FOXO1: variants seen among roughly 807,000 people sequenced by gnomAD.
The protein encoded by FOXO1 is forkhead box O1.
Under a neutral mutation model 44.1 loss-of-function variants are expected in FOXO1, and 6 were observed. The ratio of observed to expected loss-of-function variants is 0.14; its 90% CI spans 0.07 to 0.27. FOXO1 has a LOEUF of 0.27. Among genes scored for constraint, FOXO1 ranks in the 10% least tolerant of loss-of-function variants. The pLI is 1.00. For synonymous variants in FOXO1, 380 were observed against 362.7 expected, an observed-to-expected ratio of 1.05 and a Z score of -0.54; for missense variants, 737 against 888.8, an observed-to-expected ratio of 0.83 and a Z score of 2.17.
chr13:40,615,488 C>G (rs996775329), intron 1 of FOXO1, among the ~76,000 whole-genome samples: 4 of 152,010 alleles, frequency 2.6e-5, no homozygotes, highest in African/African-American at 9.7e-5. Context: ...GCCAAGATCG[C>G]ACCACTGCAC....
chr13:40,562,192 C>T (rs1208885019), intron 1 of FOXO1, among the ~76,000 whole-genome samples: 1 of 152,128 alleles, frequency 6.6e-6, no homozygotes, highest in African/African-American at 2.4e-5. Context: ...GCAGGATGCA[C>T]CAACTAACTC....
intron 1 of FOXO1, among the ~76,000 whole-genome samples, chr13:40,564,760 C>T (rs561685950): frequency 1.3e-5 from 2 of 152,278 alleles, no homozygotes; most frequent in East Asian, 1.9e-4. Context: ...CCAAATCCAG[C>T]GTTTCTACAT....
chr13:40,597,611 C>A (rs928590692), intron 1 of FOXO1, among the ~76,000 whole-genome samples: 4 of 152,198 alleles, frequency 2.6e-5, no homozygotes, highest in African/African-American at 2.4e-5. Flanking sequence ...CTAAACCCTA[C>A]ATCTTCCCCC....
intron 1 of FOXO1, among the ~76,000 whole-genome samples, chr13:40,594,546 TGCCACAG>T (rs1205274180): frequency 2.4e-4 from 36 of 152,188 alleles, no homozygotes; most frequent in Admixed American, 1.9e-3. Context: ...ACGTTCAACC[TGCCACAG>T]TGGGGAGCAC....
In FOXO1 at chr13:40,560,549, G is replaced by T. The variant is rs139854338; in HGVS notation, c.942C>A (p.Arg314=). 1 of 1,614,162 alleles carries T rather than the reference G, an allele frequency of 6.2e-7. No individual in the cohort carries two copies. Among genetic ancestry groups the T allele is most frequent in the Non-Finnish European group, 8.5e-7 (1 of 1,180,022 alleles). ...TACTAGCATTTGAGCTAGTTCGAGG[G>T]CGAAATGTACTCCAGTTATCAAAGT... ...NDDFDNWSTF[R]PRTSSNASTI... Residue 314 remains arginine (R), a synonymous_variant, in exon 2 of 3, where the codon CGC becomes CGA. Transcript: ENST00000379561. The surrounding 1 kb of genome is among the most constrained non-coding windows in gnomAD (Gnocchi z 5.1).
chr13:40,617,028 G>A (rs1036122755), intron 1 of FOXO1, among the ~76,000 whole-genome samples: 3 of 152,172 alleles, frequency 2.0e-5, no homozygotes, highest in African/African-American at 2.4e-5. Flanking sequence ...CAAGTCACTC[G>A]AAATAGAAAT....
In FOXO1 at chr13:40,619,393, A is replaced by C. The variant is rs1876533618; in HGVS notation, c.630+46190T>G. ...ATATTCTCTTCTAGCATAGTTGAACACCTTTCGGGGCACAGGAAATGCAAC... is the reference window on the plus strand; with the variant it reads ...ATATTCTCTTCTAGCATAGTTGAACCCCTTTCGGGGCACAGGAAATGCAAC... On this transcript the variant is annotated intron_variant, in intron 1 of 2. Coordinates refer to ENST00000379561, the MANE Select transcript of FOXO1 (RefSeq NM_002015.4). 1.5e-5 allele frequency: 11 copies of C among 750,046 alleles called. No homozygotes were observed. The Admixed American group carries it at 2.1e-4, about 14-fold the overall frequency. The allele number at this position is 750,046 out of a possible 1,614,324, so 46.5% of individuals were successfully genotyped here. A position where few individuals can be genotyped will look rare whatever the true frequency, so the allele number is the denominator to read the frequency against.
At chr13:40,625,694 G>T (rs1206168201) in intron 1 of FOXO1, among the ~76,000 whole-genome samples, 1 of 151,802 alleles carries the variant, frequency 6.6e-6, no homozygotes, top group Non-Finnish European at 1.5e-5. Context: ...CCACAGGGTG[G>T]GAATGTGATT....
rs144614149 is a variant in FOXO1 at position 40,630,417 on chromosome 13, G to A, written c.630+35166C>T. 4.9e-3 allele frequency among the ~76,000 whole-genome samples: 747 copies of A among 152,254 alleles called. 9 individuals carry two copies. Among genetic ancestry groups the A allele is most frequent in the African/African-American group, 0.017 (700 of 41,544 alleles). The stretch of plus-strand genomic sequence containing the variant: ...CGCCTGTAATCCTAGCATGCTGGGA[G>A]GCCAAGGTGGCAGATTACCTGAGGT... On this transcript the variant is annotated intron_variant, in intron 1 of 2. Transcript: ENST00000379561.
At chr13:40,662,170 C>CA (rs57350461) in intron 1 of FOXO1, among the ~76,000 whole-genome samples, 577 of 56,628 alleles carry the variant, frequency 0.01, 24 homozygotes, top group Non-Finnish European at 0.014. Context: ...GACTCTGACT[C>CA]AAAAAAAAAA....
At chr13:40,628,045 A>G (rs112227443) in intron 1 of FOXO1, among the ~76,000 whole-genome samples, 114 of 152,288 alleles carry the variant, frequency 7.5e-4, no homozygotes, top group African/African-American at 2.6e-3. Flanking sequence ...AGACATATAC[A>G]CATGTATACA....
At chr13:40,662,121 A>C (rs1014366401) in intron 1 of FOXO1, among the ~76,000 whole-genome samples, 3 of 138,984 alleles carry the variant, frequency 2.2e-5, no homozygotes, top group African/African-American at 8.0e-5. Flanking sequence ...CAGCAAGCCG[A>C]GATTGCGCCA....
rs979152464 is a variant in FOXO1, at chr13:40,632,514, C to T, written c.630+33069G>A. Among the ~76,000 whole-genome samples, 48 of 151,928 alleles carry T rather than the reference C, an allele frequency of 3.2e-4. 1 individual carries two copies. The highest frequency in any genetic ancestry group is 1.1e-3 in the African/African-American group (46 of 41,406). On this transcript the variant is annotated intron_variant, in intron 1 of 2. Transcript: ENST00000379561. ...TTAGCCAGGGGTGGTGGTGGGCACC[C>T]GTAATCCTAGCTACTTGGGAGGCTG...
chr13:40,598,950 G>A (rs1875702073), intron 1 of FOXO1, among the ~76,000 whole-genome samples: 1 of 152,098 alleles, frequency 6.6e-6, no homozygotes. Flanking sequence ...TGCTTCTCTG[G>A]TAACTAGATG....
intron 1 of FOXO1, among the ~76,000 whole-genome samples, chr13:40,649,398 G>GC (rs762575548): frequency 6.6e-6 from 1 of 152,126 alleles, no homozygotes; most frequent in Non-Finnish European, 1.5e-5. Context: ...TTAATTGGAG[G>GC]CCCCCAAGTT....
chr13:40,620,799 C>CTTTTTTTTTTT lies in FOXO1; in HGVS notation c.630+44773_630+44783dup, dbSNP rs111991105. Among the ~76,000 whole-genome samples, 189 of 121,216 alleles carry CTTTTTTTTTTT rather than the reference C, an allele frequency of 1.6e-3. 6 individuals carry two copies. Among genetic ancestry groups the CTTTTTTTTTTT allele is most frequent in the Non-Finnish European group, 2.6e-3 (158 of 60,132 alleles). The allele number at this position is 121,216 out of a possible 152,430, so 79.5% of individuals were successfully genotyped here. ...TGGAAAACTACTATTCTTCCCCTTG[C>CTTTTTTTTTTT]TTTTTTTTTTTTTTTTTGAGATGGA... On this transcript the variant is annotated intron_variant, in intron 1 of 2. Coordinates refer to ENST00000379561, the MANE Select transcript of FOXO1 (RefSeq NM_002015.4).
chr13:40,646,105 T>G (rs1877500505), intron 1 of FOXO1, among the ~76,000 whole-genome samples: 1 of 150,374 alleles, frequency 6.7e-6, no homozygotes, highest in South Asian at 2.1e-4. Flanking sequence ...CTCCATTTAG[T>G]GAATAATTGA....
intron 1 of FOXO1, among the ~76,000 whole-genome samples, chr13:40,601,595 G>A (rs1875816337): frequency 6.6e-6 from 1 of 152,152 alleles, no homozygotes. Flanking sequence ...TAAATCTTCT[G>A]AATTGTCCAA....
At chr13:40,614,198 T>A (rs1408927441) in intron 1 of FOXO1, among the ~76,000 whole-genome samples, 1 of 152,158 alleles carries the variant, frequency 6.6e-6, no homozygotes, top group Admixed American at 6.5e-5. Flanking sequence ...CCAGGATGCA[T>A]CTAAAAGCCA....
Sources: gnomAD v4.1 joint callset for allele counts (sites outside exome capture counted in the v4.1 genomes callset) on GRCh38, gnomAD v4.1.1 for gene constraint, Gnocchi (gnomAD v3.1) non-coding constraint, MANE v1.5 for transcripts, NCBI Gene and HGNC (gene_info 2026-07-23, HGNC 2026-07-21) for gene names.